Variants in CDCP1 observed in about 807,000 individuals in gnomAD.
The protein encoded by CDCP1 is CUB domain-containing protein 1.
Under a neutral mutation model 60.2 loss-of-function variants are expected in CDCP1, and 29 were observed. That is an observed-to-expected ratio of 0.48 (90% CI 0.36 to 0.66). The LOEUF (loss-of-function observed/expected upper bound fraction) is 0.66, where lower values mean the gene tolerates loss of function less well. Ranked by LOEUF, CDCP1 falls within the 30% of genes least tolerant of loss-of-function variation. The pLI is 0.00. For synonymous variants in CDCP1, 387 were observed against 431.1 expected (o/e 0.90, Z 1.27); for missense variants, 876 against 1,074.3 (o/e 0.82, Z 2.58).
intron 1 of CDCP1, among the ~76,000 whole-genome samples, chr3:45,138,661 C>T (rs779554114): frequency 2.0e-5 from 3 of 152,062 alleles, no homozygotes; most frequent in Non-Finnish European, 4.4e-5. Context: ...CCAGCCTGGC[C>T]GACATGGTGA....
At chr3:45,137,051 T>G (rs1576122527) in intron 1 of CDCP1, among the ~76,000 whole-genome samples, 1 of 152,230 alleles carries the variant, frequency 6.6e-6, no homozygotes, top group Non-Finnish European at 1.5e-5. Context: ...ATAAATAATA[T>G]ATGAAGCACA....
chr3:45,105,790 C>T (rs1698554345), intron 4 of CDCP1, among the ~76,000 whole-genome samples: 1 of 152,158 alleles, frequency 6.6e-6, no homozygotes, highest in African/African-American at 2.4e-5. Context: ...AAGAGAGAAA[C>T]AGGCTGCCTG....
At chr3:45,139,088 CAG>C (rs1408315874) in intron 1 of CDCP1, among the ~76,000 whole-genome samples, 1 of 152,046 alleles carries the variant, frequency 6.6e-6, no homozygotes, top group Non-Finnish European at 1.5e-5. Flanking sequence ...AGGGAACTAA[CAG>C]AGTTAAGAAC....
intron 4 of CDCP1, chr3:45,110,250 A>T: frequency 1.4e-6 from 2 of 1,386,354 alleles, no homozygotes; most frequent in South Asian, 3.7e-5. Context: ...TGAATGCAAG[A>T]TTTCTTTTTA....
chr3:45,087,270 A>C (rs1440028445), intron 8 of CDCP1, among the ~76,000 whole-genome samples: 1 of 152,184 alleles, frequency 6.6e-6, no homozygotes, highest in Non-Finnish European at 1.5e-5. Flanking sequence ...CTCACTGCAC[A>C]ACCTGTCCAT....
At chr3:45,129,487 C>T (rs1366664127) in intron 1 of CDCP1, among the ~76,000 whole-genome samples, 1 of 152,152 alleles carries the variant, frequency 6.6e-6, no homozygotes, top group East Asian at 1.9e-4. Flanking sequence ...ATACAAGATG[C>T]TAAAATGCCA....
chr3:45,092,367 G>T (rs1269073304), intron 6 of CDCP1, among the ~76,000 whole-genome samples: 1 of 152,104 alleles, frequency 6.6e-6, no homozygotes, highest in African/African-American at 2.4e-5. Context: ...ATATCTTCAG[G>T]TTCTGGGAAG....
intron 4 of CDCP1, among the ~76,000 whole-genome samples, chr3:45,101,232 T>C (rs938314391): frequency 6.6e-6 from 1 of 152,086 alleles, no homozygotes; most frequent in Non-Finnish European, 1.5e-5. Flanking sequence ...CCAAGTCTAA[T>C]CCTCCCTCAG....
intron 8 of CDCP1, 109 bp from the exon 9 acceptor site, chr3:45,086,176 C>T: frequency 1.1e-6 from 1 of 941,308 alleles, no homozygotes; most frequent in South Asian, 1.6e-5. Context: ...CTGACCATGT[C>T]TCCCCCAAAT....
At chr3:45,134,475 G>T (rs573917297) in intron 1 of CDCP1, among the ~76,000 whole-genome samples, 3 of 152,172 alleles carry the variant, frequency 2.0e-5, no homozygotes, top group Non-Finnish European at 4.4e-5. Context: ...ATCACTCAGG[G>T]GACTTGACTG....
chr3:45,128,741 G>A lies in CDCP1; in HGVS notation c.83-10120C>T, dbSNP rs1699040736. On this transcript the variant is annotated intron_variant, in intron 1 of 8. Transcript: ENST00000296129. The stretch of plus-strand genomic sequence containing the variant: ...TTATTTATTTTACTTTTTTGAGACA[G>A]AGTCTTGCTCTTGTTGCCCAGGCTG... Among the ~76,000 whole-genome samples the A allele has an allele frequency of 2.0e-5, 3 of 152,212 alleles. No individual in the cohort carries two copies. The South Asian group carries it at 6.2e-4, about 32-fold the overall frequency.
At chr3:45,144,091 T>C (rs1699340877) in intron 1 of CDCP1, among the ~76,000 whole-genome samples, 1 of 152,190 alleles carries the variant, frequency 6.6e-6, no homozygotes. Context: ...ATGATCCCAA[T>C]GTAACCAGTG....
At chr3:45,122,413 G>GGATT (rs986400810) in intron 1 of CDCP1, among the ~76,000 whole-genome samples, 8 of 151,588 alleles carry the variant, frequency 5.3e-5, no homozygotes, top group African/African-American at 1.9e-4. Flanking sequence ...CAAAGTGCTG[G>GGATT]GATTACAGGC....
chr3:45,112,210 G>GT lies in CDCP1; in HGVS notation c.527_528insA (p.Phe177LeufsTer52). 1.2e-6 allele frequency: 2 copies of GT among 1,614,232 alleles called. No homozygotes were observed. Among genetic ancestry groups the GT allele is most frequent in the Non-Finnish European group, 1.7e-6 (2 of 1,180,034 alleles). On this transcript the variant is annotated frameshift_variant, in exon 3 of 9. Coordinates refer to ENST00000296129, the MANE Select transcript of CDCP1 (RefSeq NM_022842.5). LOFTEE classifies it high-confidence loss of function. ...GGGACACAGTGCCATTGCTGCAGAA[G>GT]GTTCCGATCCTGACCACGGTGGCAT...
chr3:45,110,390 A>C (rs937308527), intron 4 of CDCP1, 83 bp downstream of exon 4: 3 of 1,535,350 alleles, frequency 2.0e-6, no homozygotes, highest in Middle Eastern at 2.3e-4. Flanking sequence ...GAGAAACAGG[A>C]AGGGAGCCTC....
chr3:45,096,121 C>A (rs1405380568), intron 4 of CDCP1, among the ~76,000 whole-genome samples: 1 of 152,186 alleles, frequency 6.6e-6, no homozygotes, highest in East Asian at 1.9e-4. Context: ...GGCACACGGC[C>A]AGTGGGAGCC....
rs1298160292 is a variant in CDCP1, at chr3:45,108,806, TGCA to T, written c.1024+1664_1024+1666del. On this transcript the variant is annotated intron_variant, in intron 4 of 8. Transcript: ENST00000296129. ...ATATATATGCATGTATATATATATA[TGCA>T]TGTATACATATATATGCATGTATAT... 9.3e-4 allele frequency among the ~76,000 whole-genome samples: 48 copies of T among 51,454 alleles called. 7 individuals are homozygous for T. Among genetic ancestry groups the T allele is most frequent in the Non-Finnish European group, 1.4e-3 (29 of 21,400 alleles). The allele number at this position is 51,454 out of a possible 152,430, so 33.8% of individuals were successfully genotyped here.
chr3:45,103,993 C>T (rs1281735714), intron 4 of CDCP1, among the ~76,000 whole-genome samples: 24 of 152,236 alleles, frequency 1.6e-4, no homozygotes, highest in Non-Finnish European at 1.5e-5. Context: ...CAGGTGGTCA[C>T]ACCATTTGAC....
chr3:45,116,239 T>TAAA (rs59177609), intron 2 of CDCP1, among the ~76,000 whole-genome samples: 7 of 144,492 alleles, frequency 4.8e-5, no homozygotes, highest in African/African-American at 1.0e-4. Context: ...ACTGTTCTGT[T>TAAA]AAAAAAAAAA....
Sources: gnomAD v4.1 joint callset for allele counts (sites outside exome capture counted in the v4.1 genomes callset) on GRCh38, gnomAD v4.1.1 for gene constraint, MANE v1.5 for transcripts, NCBI Gene and HGNC (gene_info 2026-07-23, HGNC 2026-07-21) for gene names.